COTL1: variants seen among roughly 807,000 people sequenced by gnomAD.
COTL1 encodes coactosin-like protein.
Under a neutral mutation model 16.5 loss-of-function variants are expected in COTL1, and 15 were observed. The ratio of observed to expected loss-of-function variants is 0.91; its 90% CI spans 0.61 to 1.40. COTL1 has a LOEUF of 1.40. COTL1 is among the 40% of genes most tolerant of loss of function. The probability of loss-of-function intolerance (pLI) is 0.00; values close to 1 mark genes in which losing one functional copy is unlikely to be tolerated. For missense variants in COTL1, 220 were observed against 201.5 expected (o/e 1.09, Z -0.56); for synonymous variants, 112 against 85.3 (o/e 1.31, Z -1.73).
chr16:84,574,079 G>A (rs1391432015), intron 3 of COTL1, among the ~76,000 whole-genome samples: 2 of 152,136 alleles, frequency 1.3e-5, no homozygotes, highest in Admixed American at 6.5e-5. Context: ...GAGGCAGGAA[G>A]ATCACTTGAG....
At chr16:84,616,138 C>T (rs1210802777) in intron 2 of COTL1, 1 of 152,126 alleles carries the variant, frequency 6.6e-6, no homozygotes, top group Non-Finnish European at 1.5e-5. Context: ...GTGAGGAAAC[C>T]AAGACCCCCA....
chr16:84,617,057 C>T (rs1353044420), intron 2 of COTL1, among the ~76,000 whole-genome samples: 1 of 152,172 alleles, frequency 6.6e-6, no homozygotes, highest in Non-Finnish European at 1.5e-5. Flanking sequence ...ATAAAATCAG[C>T]ACACGGGCAG....
intron 2 of COTL1, among the ~76,000 whole-genome samples, chr16:84,608,755 A>T (rs1002179365): frequency 2.0e-5 from 3 of 152,048 alleles, no homozygotes; most frequent in Admixed American, 1.3e-4. Context: ...AAGATACAAA[A>T]ATGAGCCAGG....
intron 2 of COTL1, among the ~76,000 whole-genome samples, chr16:84,610,379 C>T (rs1195212864): frequency 6.6e-6 from 1 of 152,234 alleles, no homozygotes; most frequent in Non-Finnish European, 1.5e-5. Flanking sequence ...TGGCACGTCA[C>T]CTGTCTCCAC....
intron 2 of COTL1, chr16:84,595,409 T>C (rs1459649733): frequency 6.6e-6 from 1 of 152,226 alleles, no homozygotes; most frequent in Non-Finnish European, 1.5e-5. Context: ...CTGCGCACCG[T>C]TTTTGCAGCT....
intron 2 of COTL1, among the ~76,000 whole-genome samples, chr16:84,612,403 G>A (rs373467919): frequency 1.3e-5 from 2 of 152,062 alleles, no homozygotes; most frequent in East Asian, 3.9e-4. Flanking sequence ...CCTGGGCCAG[G>A]TGCCTACTTT....
intron 2 of COTL1, among the ~76,000 whole-genome samples, chr16:84,601,520 C>G (rs1905105319): frequency 6.6e-6 from 1 of 152,018 alleles, no homozygotes; most frequent in Admixed American, 6.6e-5. Context: ...TGCAGGGGCA[C>G]AATCTCGGCT....
At chr16:84,614,368 C>T (rs1246499323) in intron 2 of COTL1, among the ~76,000 whole-genome samples, 1 of 152,026 alleles carries the variant, frequency 6.6e-6, no homozygotes, top group African/African-American at 2.4e-5. Flanking sequence ...GGGAACTGGC[C>T]TGGCAGCACA....
At chr16:84,587,907 G>C (rs1208610015) in intron 3 of COTL1, among the ~76,000 whole-genome samples, 1 of 151,994 alleles carries the variant, frequency 6.6e-6, no homozygotes, top group Non-Finnish European at 1.5e-5. Flanking sequence ...GAGTAGGTGG[G>C]ATTACAGGTG....
intron 2 of COTL1, among the ~76,000 whole-genome samples, chr16:84,611,718 A>T (rs1238410859): frequency 6.6e-6 from 1 of 152,232 alleles, no homozygotes; most frequent in Non-Finnish European, 1.5e-5. Flanking sequence ...TTGCAAAACT[A>T]TATCTGAACT....
At chr16:84,606,631 G>A (rs543047121) in intron 2 of COTL1, among the ~76,000 whole-genome samples, 153 of 152,358 alleles carry the variant, frequency 1.0e-3, no homozygotes, top group African/African-American at 3.4e-3. Flanking sequence ...GGTAGTGGGC[G>A]TAGCCACTTG....
chr16:84,607,385 A>G (rs1234090543), intron 2 of COTL1, among the ~76,000 whole-genome samples: 2 of 152,102 alleles, frequency 1.3e-5, no homozygotes, highest in African/African-American at 4.8e-5. Flanking sequence ...ACAGATCTGG[A>G]TTCAAAGTGC....
chr16:84,591,823 C>CAAATAAAATAAAATA (rs11273175), intron 2 of COTL1, among the ~76,000 whole-genome samples: 7,176 of 120,470 alleles, frequency 0.06, 324 homozygotes, highest in East Asian at 0.1. Context: ...GACCCTGTCT[C>CAAATAAAATAAAATA]AAATAAAATA....
chr16:84,568,583 T>C (rs1314469470), intron 3 of COTL1: 1 of 152,166 alleles, frequency 6.6e-6, no homozygotes, highest in African/African-American at 2.4e-5. Flanking sequence ...TTGGTATAAA[T>C]GTCTAAAAAA....
intron 3 of COTL1, among the ~76,000 whole-genome samples, chr16:84,579,363 C>T (rs1300582047): frequency 6.6e-6 from 1 of 152,218 alleles, no homozygotes; most frequent in African/African-American, 2.4e-5. Flanking sequence ...TGGCATACAC[C>T]TGTAGTCCCA....
chr16:84,582,288 C>A (rs1904615932), intron 3 of COTL1, among the ~76,000 whole-genome samples: 1 of 152,156 alleles, frequency 6.6e-6, no homozygotes, highest in Non-Finnish European at 1.5e-5. Context: ...AGCCACTGCG[C>A]CCAGCCCATT....
chr16:84,613,301 A>G (rs1905381777), intron 2 of COTL1, among the ~76,000 whole-genome samples: 1 of 152,072 alleles, frequency 6.6e-6, no homozygotes, highest in Admixed American at 6.5e-5. Context: ...CGCCCGGACT[A>G]GAGTGTTTCT....
intron 2 of COTL1, among the ~76,000 whole-genome samples, chr16:84,612,874 G>A (rs991427518): frequency 2.0e-5 from 3 of 152,166 alleles, no homozygotes; most frequent in African/African-American, 7.2e-5. Context: ...GGCATGTCAG[G>A]ATTCCCATTT....
At chr16:84,615,659 A>G (rs937711816) in intron 2 of COTL1, among the ~76,000 whole-genome samples, 2 of 152,186 alleles carry the variant, frequency 1.3e-5, no homozygotes, top group African/African-American at 4.8e-5. Flanking sequence ...GGAGGGGAGA[A>G]AGTTAAGAGT....
Sources: allele counts gnomAD v4.1 joint callset (sites outside exome capture counted in the v4.1 genomes callset), GRCh38; gene constraint gnomAD v4.1.1; transcripts MANE v1.5; gene names NCBI Gene and HGNC (gene_info 2026-07-23, HGNC 2026-07-21).